Variants in DNAH14 observed in about 807,000 individuals in gnomAD.
DNAH14 encodes axonemal beta dynein heavy chain 14.
A neutral mutation model predicts 520.9 loss-of-function variants in DNAH14; 478 were observed. The observed-to-expected ratio is 0.92, with a 90% confidence interval of 0.85 to 0.99. The LOEUF (loss-of-function observed/expected upper bound fraction) is 0.99. Among genes scored for constraint, DNAH14 ranks in the 50% least tolerant of loss-of-function variants. DNAH14 has a pLI of 0.00. For synonymous variants in DNAH14, 1,581 were observed against 1,757.2 expected (o/e 0.90, Z 2.51); for missense variants, 4,831 against 5,234.5 (o/e 0.92, Z 2.38).
intron 65 of DNAH14, among the ~76,000 whole-genome samples, chr1:225,332,525 T>A (rs572471158): frequency 6.6e-6 from 1 of 152,304 alleles, no homozygotes; most frequent in Admixed American, 6.5e-5. Flanking sequence ...AGCTTAGTGA[T>A]CTTGACCAAG....
rs1203285411 is a variant in DNAH14 at position 225,079,359 on chromosome 1, G to T, written c.2577G>T (p.Lys859Asn). ...LTMSQLYSVA[K>N]HHQIHISEEQ... is the part of the protein sequence containing the mutation. ...TGTCTCAGCTATATTCTGTTGCAAA[G>T]CATCACCAGATCCATATTTCAGAAG... is the stretch of plus-strand genomic sequence containing the variant. Residue 859 changes from lysine (K) to asparagine (N), a missense_variant, in exon 18 of 86, where the codon AAG (lysine) becomes AAT (asparagine). Coordinates refer to ENST00000682510, the MANE Select transcript of DNAH14 (RefSeq NM_001367479.1). The T allele has an allele frequency of 6.4e-7, 1 of 1,550,816 alleles. No homozygotes were observed. Among genetic ancestry groups the T allele is most frequent in the South Asian group, 1.2e-5 (1 of 83,902 alleles).
At chr1:225,102,986 T>A (rs1040347474) in intron 23 of DNAH14, among the ~76,000 whole-genome samples, 2 of 152,186 alleles carry the variant, frequency 1.3e-5, no homozygotes, top group Admixed American at 6.5e-5. Context: ...CTGAATGGTA[T>A]TGCCTAGGTT....
intron 15 of DNAH14, among the ~76,000 whole-genome samples, chr1:225,049,251 C>T (rs1572695516): frequency 2.0e-5 from 3 of 151,592 alleles, no homozygotes; most frequent in East Asian, 1.9e-4. Flanking sequence ...TTAGTAGAGA[C>T]GGGGTTTCAC....
intron 11 of DNAH14, among the ~76,000 whole-genome samples, chr1:225,027,174 C>A (rs1164408015): frequency 1.3e-5 from 2 of 151,978 alleles, no homozygotes; most frequent in African/African-American, 4.8e-5. Context: ...TTAGGATTTT[C>A]TTTATGCAAA....
At chr1:225,170,376 T>C (rs971956554) in intron 36 of DNAH14, among the ~76,000 whole-genome samples, 42 of 152,016 alleles carry the variant, frequency 2.8e-4, no homozygotes, top group Non-Finnish European at 5.0e-4. Context: ...AGGAGACCCA[T>C]CTCACGTGCA....
intron 76 of DNAH14, 33 bp downstream of exon 76, chr1:225,364,927 C>T (rs2095534743): frequency 1.4e-6 from 2 of 1,413,324 alleles, no homozygotes; most frequent in Admixed American, 4.6e-5. Context: ...TTAATGTTGA[C>T]TGAGGAGCCC....
chr1:225,363,515 G>T (rs745355683), intron 75 of DNAH14, among the ~76,000 whole-genome samples: 4 of 152,180 alleles, frequency 2.6e-5, no homozygotes, highest in African/African-American at 9.7e-5. Context: ...AACTATGGGT[G>T]CATGCCACCA....
At chr1:225,164,313 A>C (rs906917028) in intron 35 of DNAH14, among the ~76,000 whole-genome samples, 2 of 152,052 alleles carry the variant, frequency 1.3e-5, no homozygotes, top group Admixed American at 1.3e-4. Flanking sequence ...CAGATAATAA[A>C]ATTTTATCCA....
At chr1:225,132,822 T>A (rs76861260) in intron 27 of DNAH14, among the ~76,000 whole-genome samples, 1,667 of 152,334 alleles carry the variant, frequency 0.011, 16 homozygotes, top group Non-Finnish European at 0.016. Context: ...TAAACTGATT[T>A]ACACTCCCAC....
chr1:225,031,516 C>G (rs1332596657), intron 11 of DNAH14, among the ~76,000 whole-genome samples: 1 of 150,588 alleles, frequency 6.6e-6, no homozygotes, highest in African/African-American at 2.4e-5. Context: ...GTTTTGCTGA[C>G]CCATGCTCTA....
intron 10 of DNAH14, among the ~76,000 whole-genome samples, chr1:225,011,543 A>T (rs534421830): frequency 1.3e-5 from 2 of 152,202 alleles, no homozygotes; most frequent in Middle Eastern, 3.4e-3. Context: ...AAAGTCTCCC[A>T]CTATTATTGT....
chr1:225,138,699 G>T (rs183399112), intron 27 of DNAH14, among the ~76,000 whole-genome samples: 1 of 152,070 alleles, frequency 6.6e-6, no homozygotes, highest in Non-Finnish European at 1.5e-5. Flanking sequence ...ATGGTTTCCC[G>T]GGTGGGGTTG....
intron 1 of DNAH14, among the ~76,000 whole-genome samples, chr1:224,941,941 G>A (rs1255323413): frequency 1.4e-4 from 22 of 152,226 alleles, no homozygotes; most frequent in East Asian, 1.9e-4. Flanking sequence ...GTCAGGTAGC[G>A]TGATGCCTCC....
At chr1:225,237,976 G>A (rs2091713414) in intron 42 of DNAH14, among the ~76,000 whole-genome samples, 1 of 152,156 alleles carries the variant, frequency 6.6e-6, no homozygotes, top group Non-Finnish European at 1.5e-5. Flanking sequence ...GGTTGGTTAT[G>A]TTCCTCTCTA....
In DNAH14 at chr1:225,370,738, A is replaced by T. The variant is rs553335775; in HGVS notation, c.12318+2706A>T. Reference sequence around the variant, plus strand: ...AAAGCTAATAAAGGAATTCTTTATTAGCTGGAGTAATAATACAAAAGCTAA... The same window carrying T: ...AAAGCTAATAAAGGAATTCTTTATTTGCTGGAGTAATAATACAAAAGCTAA... On this transcript the variant is annotated intron_variant, in intron 77 of 85. Transcript: ENST00000682510. Among the ~76,000 whole-genome samples the T allele has an allele frequency of 1.1e-4, 16 of 152,266 alleles. No individual in the cohort carries two copies. In the South Asian group the frequency reaches 3.3e-3, roughly 32 times the overall value.
At chr1:224,947,883 G>A (rs1348163738) in intron 1 of DNAH14, among the ~76,000 whole-genome samples, 1 of 151,692 alleles carries the variant, frequency 6.6e-6, no homozygotes, top group East Asian at 1.9e-4. Flanking sequence ...TTGTATTGTG[G>A]TCATAGAATT....
At chr1:225,106,456 G>C (rs538035075) in intron 23 of DNAH14, among the ~76,000 whole-genome samples, 10 of 152,252 alleles carry the variant, frequency 6.6e-5, no homozygotes, top group Admixed American at 3.3e-4. Context: ...AGTTCTCCTG[G>C]ATAATATCCT....
At chr1:225,121,348 A>G (rs746946609) in intron 26 of DNAH14, among the ~76,000 whole-genome samples, 2 of 152,150 alleles carry the variant, frequency 1.3e-5, no homozygotes, top group Admixed American at 6.5e-5. Context: ...GCTAAAATTT[A>G]TTCCTAGTCT....
At chr1:225,087,754 C>T (rs956360623) in intron 21 of DNAH14, among the ~76,000 whole-genome samples, 18 of 152,128 alleles carry the variant, frequency 1.2e-4, no homozygotes, top group East Asian at 3.9e-4. Flanking sequence ...GATAAAGCTG[C>T]GGAGACAGAG....
Sources: gnomAD v4.1 joint callset for allele counts (sites outside exome capture counted in the v4.1 genomes callset) on GRCh38, gnomAD v4.1.1 for gene constraint, MANE v1.5 for transcripts, NCBI Gene and HGNC (gene_info 2026-07-23, HGNC 2026-07-21) for gene names.